The following OR3A2 variants were observed in gnomAD, a reference collection of about 807,000 sequenced individuals.
The protein encoded by OR3A2 is olfactory receptor family 3 subfamily A member 2.
For synonymous variants in OR3A2, 126 were observed against 159.3 expected (o/e 0.79, Z 1.57); for missense variants, 318 against 392.8 (o/e 0.81, Z 1.61).
intron 2 of OR3A2, among the ~76,000 whole-genome samples, chr17:3,356,078 A>G (rs1231318920): frequency 6.6e-6 from 1 of 151,460 alleles, no homozygotes; most frequent in Non-Finnish European, 1.5e-5. Context: ...CTTAACACTG[A>G]GTGCATAAAC....
At chr17:3,332,496 A>G (rs866908087) in intron 3 of OR3A2, among the ~76,000 whole-genome samples, 1 of 152,188 alleles carries the variant, frequency 6.6e-6, no homozygotes, top group East Asian at 1.9e-4. Flanking sequence ...TCTTTGACTC[A>G]GAAAGGGAAC....
intron 3 of OR3A2, among the ~76,000 whole-genome samples, chr17:3,324,677 T>G (rs552421175): frequency 6.6e-6 from 1 of 152,024 alleles, no homozygotes; most frequent in African/African-American, 2.4e-5. Flanking sequence ...AACAGCAGAT[T>G]TGGTGAACCG....
chr17:3,317,601 C>A (rs2049089273), intron 3 of OR3A2, among the ~76,000 whole-genome samples: 1 of 152,114 alleles, frequency 6.6e-6, no homozygotes, highest in African/African-American at 2.4e-5. Flanking sequence ...TCCCTGTGGG[C>A]CCCAGTTTTC....
At chr17:3,285,718 G>A (rs374332731), upstream of OR3A2, among the ~76,000 whole-genome samples, 1 of 152,200 alleles carries the variant, frequency 6.6e-6, no homozygotes, top group African/African-American at 2.4e-5. Context: ...AGCCCAGGAG[G>A]TGGAGGCTGC....
At chr17:3,299,048 C>T (rs1156985432) in intron 3 of OR3A2, among the ~76,000 whole-genome samples, 2 of 152,166 alleles carry the variant, frequency 1.3e-5, no homozygotes, top group South Asian at 2.1e-4. Context: ...CTTACTGCAC[C>T]CCTCATATTA....
At chr17:3,308,280 C>T (rs2049012724) in intron 3 of OR3A2, among the ~76,000 whole-genome samples, 3 of 152,278 alleles carry the variant, frequency 2.0e-5, no homozygotes, top group Middle Eastern at 3.4e-3. Context: ...ATGATGTCAG[C>T]GGAGTTGCTT....
At chr17:3,357,994 T>C (rs997341495) in intron 2 of OR3A2, among the ~76,000 whole-genome samples, 1 of 151,800 alleles carries the variant, frequency 6.6e-6, no homozygotes, top group African/African-American at 2.4e-5. Context: ...ACTTAATAAC[T>C]GAAGCCTCTG....
At chr17:3,327,708 T>C in intron 3 of OR3A2, among the ~76,000 whole-genome samples, 1 of 129,754 alleles carries the variant, frequency 7.7e-6, no homozygotes, top group South Asian at 2.9e-4. Context: ...TTTAAGTCTT[T>C]AATCCATCTT....
chr17:3,303,164 A>C (rs1192471632), intron 3 of OR3A2, among the ~76,000 whole-genome samples: 1 of 152,230 alleles, frequency 6.6e-6, no homozygotes, highest in Non-Finnish European at 1.5e-5. Context: ...CACGCCATGC[A>C]TAAAGGTCAG....
chr17:3,376,381 A>G (rs1567572904), intron 2 of OR3A2, among the ~76,000 whole-genome samples: 1 of 152,130 alleles, frequency 6.6e-6, no homozygotes, highest in Non-Finnish European at 1.5e-5. Context: ...TTTGGCTACC[A>G]GGGTGGGTAG....
At chr17:3,340,434 T>A (rs1478399493) in intron 2 of OR3A2, among the ~76,000 whole-genome samples, 2 of 152,252 alleles carry the variant, frequency 1.3e-5, no homozygotes, top group African/African-American at 4.8e-5. Flanking sequence ...TACACACTGC[T>A]TTAAATGTGT....
chr17:3,358,670 A>C (rs1490133743), intron 2 of OR3A2, among the ~76,000 whole-genome samples: 1 of 151,624 alleles, frequency 6.6e-6, no homozygotes, highest in Non-Finnish European at 1.5e-5. Flanking sequence ...GTTCTATTAC[A>C]TTTGTTGAGG....
chr17:3,298,808 AAAG>A (rs2150625215), intron 3 of OR3A2, among the ~76,000 whole-genome samples: 1 of 152,320 alleles, frequency 6.6e-6, no homozygotes, highest in South Asian at 2.1e-4. Context: ...TCCGGAGAGC[AAAG>A]AAGGGCCATA....
In OR3A2 at chr17:3,342,108, G is replaced by C. The variant is rs230444; in HGVS notation, c.-178-5982C>G. ...CGTAGTTCTTGTGTCACGGTTTTCA[G>C]CTCCATCAGGTCATTTAAAGTCTTC... On this transcript the variant is annotated intron_variant, in intron 2 of 4. Coordinates refer to the OR3A2 transcript ENST00000573491. Among the ~76,000 whole-genome samples the C allele has an allele frequency of 2.4e-3, 369 of 152,200 alleles. 1 individual carries two copies. The highest frequency in any genetic ancestry group is 8.4e-3 in the African/African-American group (347 of 41,540).
At chr17:3,359,917 T>G (rs1044352773) in intron 2 of OR3A2, among the ~76,000 whole-genome samples, 3 of 151,914 alleles carry the variant, frequency 2.0e-5, no homozygotes, top group African/African-American at 7.3e-5. Flanking sequence ...ATGATTTATA[T>G]TCCTTCAGGT....
upstream of OR3A2, among the ~76,000 whole-genome samples, chr17:3,287,764 G>A (rs760934864): frequency 1.4e-4 from 21 of 152,106 alleles, no homozygotes; most frequent in Middle Eastern, 3.4e-3. Context: ...TGCTTCGTGG[G>A]TGGCAGCATT....
intron 2 of OR3A2, among the ~76,000 whole-genome samples, chr17:3,382,498 T>C (rs1424417606): frequency 6.6e-6 from 1 of 152,198 alleles, no homozygotes; most frequent in African/African-American, 2.4e-5. Flanking sequence ...GCCAACAATC[T>C]CTGCAGAGAG....
rs943020190 is a variant in OR3A2, at chr17:3,311,139, A to G, written c.-85+24894T>C. 1.8e-6 allele frequency: 1 copy of G among 540,632 alleles called. No homozygotes were observed. The highest frequency in any genetic ancestry group is 1.4e-5 in the South Asian group (1 of 72,126). 33.5% of individuals were successfully genotyped at this position (540,632 alleles called of 1,614,324 possible). On this transcript the variant is annotated intron_variant, in intron 3 of 4. Transcript: ENST00000573491. The surrounding 1 kb of genome is among the most constrained non-coding windows in gnomAD (Gnocchi z 4.6). ...GGAGTCTTCGGACAAGGACAAGGGC[A>G]TTGGCATCCTCAACACTGTCATCAG...
rs1452647436 is a variant in OR3A2 at position 3,324,359 on chromosome 17, C to T, written c.-85+11674G>A. On this transcript the variant is annotated intron_variant, in intron 3 of 4. Transcript: ENST00000573491. ...CGTCTGAAGCCTTCTTTTCTCAACT[C>T]ATCAAAGTCATTCTCCGTCCAGCTT... is the stretch of plus-strand genomic sequence containing the variant. Among the ~76,000 whole-genome samples, 4 of 152,070 alleles carry T rather than the reference C, an allele frequency of 2.6e-5. No homozygotes were observed. In the East Asian group the frequency reaches 7.7e-4, roughly 29 times the overall value.
Sources: allele counts gnomAD v4.1 joint callset (sites outside exome capture counted in the v4.1 genomes callset), GRCh38; gene constraint gnomAD v4.1.1; non-coding constraint Gnocchi (gnomAD v3.1); transcripts MANE v1.5; gene names NCBI Gene and HGNC (gene_info 2026-07-23, HGNC 2026-07-21).